GALNT9: variants seen among roughly 807,000 people sequenced by gnomAD.
GALNT9 encodes polypeptide N-acetylgalactosaminyltransferase 9, also known as GalNAc transferase 9.
GALNT9 carries 47 observed loss-of-function variants against 63.1 expected under a neutral mutation model. That is an observed-to-expected ratio of 0.75 (90% CI 0.59 to 0.95). The LOEUF (loss-of-function observed/expected upper bound fraction) is 0.95. Among genes scored for constraint, GALNT9 ranks in the 40% least tolerant of loss-of-function variants. The pLI is 0.00. For synonymous variants in GALNT9, 396 were observed against 365.7 expected (o/e 1.08, Z -0.94); for missense variants, 829 against 874.8 (o/e 0.95, Z 0.66).
chr12:132,197,663 G>A (rs907205589), intron 10 of GALNT9, 129 bp downstream of exon 10: 31 of 721,940 alleles, frequency 4.3e-5, no homozygotes, highest in Admixed American at 2.5e-4. Context: ...CCAAGGCCCG[G>A]TCCCCTGACC....
chr12:132,275,720 T>C (rs1443502237), intron 2 of GALNT9: 1 of 152,280 alleles, frequency 6.6e-6, no homozygotes, highest in Non-Finnish European at 1.5e-5. Flanking sequence ...TGCAAGTCTG[T>C]GTGGAAGTGA....
intron 6 of GALNT9, among the ~76,000 whole-genome samples, chr12:132,225,351 C>T (rs1490886157): frequency 7.3e-6 from 1 of 137,540 alleles, no homozygotes; most frequent in Admixed American, 7.5e-5. Context: ...CCCACATATA[C>T]ATACCACACA....
At chr12:132,216,526 T>C (rs1399149253) in intron 6 of GALNT9, among the ~76,000 whole-genome samples, 4 of 152,218 alleles carry the variant, frequency 2.6e-5, no homozygotes, top group African/African-American at 9.6e-5. Flanking sequence ...CGGGGTGTTT[T>C]CTGTGGCAGG....
chr12:132,305,771 A>G (rs1325848517), intron 1 of GALNT9, among the ~76,000 whole-genome samples: 3 of 152,118 alleles, frequency 2.0e-5, no homozygotes, highest in African/African-American at 7.2e-5. Context: ...GTGGGCCCTG[A>G]GAGGGAAGCC....
At chr12:132,239,320 TGAGAGAGAGA>T (rs782390451) in intron 6 of GALNT9, among the ~76,000 whole-genome samples, 2 of 91,542 alleles carry the variant, frequency 2.2e-5, no homozygotes, top group Non-Finnish European at 5.6e-5. Flanking sequence ...ACTGAGAGAC[TGAGAGAGAGA>T]GACAGAGTCA....
At chr12:132,198,792 C>T (rs954010711) in intron 9 of GALNT9, among the ~76,000 whole-genome samples, 3 of 152,216 alleles carry the variant, frequency 2.0e-5, no homozygotes, top group African/African-American at 7.2e-5. Flanking sequence ...GCTGGGAATA[C>T]GGGCATGCCC....
At chr12:132,263,225 G>A (rs868993362) in intron 2 of GALNT9, among the ~76,000 whole-genome samples, 8 of 152,330 alleles carry the variant, frequency 5.3e-5, no homozygotes, top group Admixed American at 3.3e-4. Flanking sequence ...GAATTTCAAA[G>A]GGACAAGGGC....
At chr12:132,261,202 C>G in intron 3 of GALNT9, 80 bp from the exon 4 acceptor site, 1 of 1,530,158 alleles carries the variant, frequency 6.5e-7, no homozygotes, top group Non-Finnish European at 8.8e-7. Context: ...GGAAATGCTG[C>G]GTGCCGCGTG....
At chr12:132,321,339 GTC>G (rs1868787367) in intron 1 of GALNT9, among the ~76,000 whole-genome samples, 1 of 152,152 alleles carries the variant, frequency 6.6e-6, no homozygotes, top group Admixed American at 6.5e-5. Flanking sequence ...TGAGTCGCCC[GTC>G]TCATCTGGGT....
intron 1 of GALNT9, among the ~76,000 whole-genome samples, chr12:132,299,755 C>G (rs1221083954): frequency 1.4e-5 from 2 of 138,474 alleles, no homozygotes; most frequent in African/African-American, 5.4e-5. Context: ...CCCACCACAC[C>G]TAACCCATCC....
chr12:132,314,618 A>G, intron 1 of GALNT9, among the ~76,000 whole-genome samples: 1 of 152,194 alleles, frequency 6.6e-6, no homozygotes, highest in Middle Eastern at 3.2e-3. Context: ...CCTTCAAAGC[A>G]ATCCCCTCTC....
intron 6 of GALNT9, among the ~76,000 whole-genome samples, chr12:132,214,954 A>T (rs1012834336): frequency 2.6e-5 from 4 of 152,222 alleles, no homozygotes; most frequent in African/African-American, 7.2e-5. Flanking sequence ...GATCTGGAAG[A>T]TTCTGGCTGA....
intron 6 of GALNT9, among the ~76,000 whole-genome samples, chr12:132,217,188 TCATC>T (rs937925768): frequency 1.3e-4 from 19 of 151,892 alleles, no homozygotes; most frequent in African/African-American, 4.6e-4. Context: ...CCACGCGGAC[TCATC>T]CATCCATCCA....
chr12:132,324,673 G>A (rs1366855357), intron 1 of GALNT9, among the ~76,000 whole-genome samples: 3 of 152,146 alleles, frequency 2.0e-5, no homozygotes, highest in South Asian at 2.1e-4. Flanking sequence ...CATCTAGACC[G>A]CCGCCCTCTG....
intron 6 of GALNT9, chr12:132,240,671 T>C (rs1593077314): frequency 6.6e-6 from 3 of 456,052 alleles, no homozygotes; most frequent in East Asian, 7.0e-5. Context: ...TGCCGTGTTT[T>C]TCTTCCTCTT....
intron 1 of GALNT9, 147 bp downstream of exon 1, chr12:132,328,819 C>A: frequency 9.9e-7 from 1 of 1,013,410 alleles, no homozygotes; most frequent in Non-Finnish European, 1.3e-6. Flanking sequence ...GGGGCTTCCG[C>A]GGCCCTTCCC....
chr12:132,206,321 T>G (rs1462482229), intron 6 of GALNT9, among the ~76,000 whole-genome samples: 1 of 152,158 alleles, frequency 6.6e-6, no homozygotes, highest in Non-Finnish European at 1.5e-5. Flanking sequence ...GCCTCCAGCC[T>G]TCAAAGCTCT....
chr12:132,235,697 GTT>G (rs1877980263), intron 6 of GALNT9, among the ~76,000 whole-genome samples: 134 of 150,136 alleles, frequency 8.9e-4, no homozygotes, highest in Middle Eastern at 6.9e-3. Context: ...CCGGGCTGGA[GTT>G]CAACCCTCGG....
In GALNT9 at chr12:132,245,954, G is replaced by A. The variant is rs1332322978; in HGVS notation, c.1077+1956C>T. ...CCCTCGCTCTTCGGCCTCGGTGGTG[G>A]CTGCGCACTGCCGGTCCCCGGCACC... is the stretch of plus-strand genomic sequence containing the variant. On this transcript the variant is annotated intron_variant, in intron 6 of 10. Transcript: ENST00000328957. The surrounding 1 kb of genome is among the most constrained non-coding windows in gnomAD (Gnocchi z 6.3). Among the ~76,000 whole-genome samples the A allele has an allele frequency of 6.6e-6, 1 of 152,242 alleles. No homozygotes were observed. The highest frequency in any genetic ancestry group is 1.9e-4 in the East Asian group (1 of 5,186).
Sources: gnomAD v4.1 joint callset for allele counts (sites outside exome capture counted in the v4.1 genomes callset) on GRCh38, gnomAD v4.1.1 for gene constraint, Gnocchi (gnomAD v3.1) non-coding constraint, MANE v1.5 for transcripts, NCBI Gene and HGNC (gene_info 2026-07-23, HGNC 2026-07-21) for gene names.